The following PTPN18 variants were observed in gnomAD, a reference collection of about 807,000 sequenced individuals.
The protein encoded by PTPN18 is tyrosine-protein phosphatase non-receptor type 18.
In PTPN18, 65 loss-of-function variants were observed where a neutral mutation model predicts 65.4. The ratio of observed to expected loss-of-function variants is 0.99; its 90% CI spans 0.81 to 1.22. The LOEUF (loss-of-function observed/expected upper bound fraction) is 1.22. Ranked by LOEUF, PTPN18 falls within the 50% of genes most tolerant of loss-of-function variation. PTPN18 has a pLI of 0.00. For synonymous variants in PTPN18, 255 were observed against 267.8 expected (o/e 0.95, Z 0.47); for missense variants, 616 against 646.5 (o/e 0.95, Z 0.51).
intron 9 of PTPN18, 27 bp from the exon 10 acceptor site, chr2:130,370,678 C>T (rs747939538): frequency 6.2e-7 from 1 of 1,614,078 alleles, no homozygotes; most frequent in Admixed American, 1.7e-5. Flanking sequence ...ACGTGTCCTG[C>T]TCAAGTGCCT....
chr2:130,373,450 C>G lies in PTPN18; in HGVS notation c.*226C>G. 2.2e-6 allele frequency: 1 copy of G among 450,976 alleles called. No individual in the cohort carries two copies. The highest frequency in any genetic ancestry group is 3.4e-4 in the Middle Eastern group (1 of 2,932). 27.9% of individuals were successfully genotyped at this position (450,976 alleles called of 1,614,324 possible). A position where few individuals can be genotyped will look rare whatever the true frequency, so the allele number is the denominator to read the frequency against. On this transcript the variant is annotated 3_prime_UTR_variant, in exon 15 of 15. Coordinates refer to ENST00000175756, the MANE Select transcript of PTPN18 (RefSeq NM_014369.4). This position sits in a 1 kb window ranked among gnomAD's most constrained non-coding sequence, Gnocchi z 4.1. ...CTGGTGAGGCTGCACAGAGCAGATT[C>G]AAGAAAGAAGATCAGGAAGGGGCAT...
In PTPN18 at chr2:130,370,762, C is replaced by T; in HGVS notation, c.814C>T (p.Pro272Ser). 6.2e-7 allele frequency: 1 copy of T among 1,614,188 alleles called. No homozygotes were observed. The highest frequency in any genetic ancestry group is 2.2e-5 in the East Asian group (1 of 44,868). ...GGTCCTTAAGATGAGGAAGCAGCGG[C>T]CTGCGGCCGTGCAGACAGAGGTGAA... Reference protein sequence around the residue: ...DVVLKMRKQRPAAVQTEEQYR... With the variant: ...DVVLKMRKQRSAAVQTEEQYR... Residue 272 changes from proline (P) to serine (S), a missense_variant, in exon 10 of 15, where the codon CCT becomes TCT. Physicochemically the swap from Pro to Ser is moderately conservative, Grantham distance 74 (BLOSUM62 -1). Transcript: ENST00000175756.
At chr2:130,367,718 T>A (rs531237049) in intron 5 of PTPN18, among the ~76,000 whole-genome samples, 1 of 152,168 alleles carries the variant, frequency 6.6e-6, no homozygotes, top group Non-Finnish European at 1.5e-5. Context: ...AGTAATTTGA[T>A]CATGATCTGC....
chr2:130,369,791 C>T lies in PTPN18; in HGVS notation c.510C>T (p.Asp170=), dbSNP rs752954941. The T allele has an allele frequency of 1.2e-5, 20 of 1,605,038 alleles. No individual in the cohort carries two copies. The highest frequency in any genetic ancestry group is 1.6e-5 in the Non-Finnish European group (19 of 1,172,148). The change falls in exon 7 of 15, where the codon GAC becomes GAT. Residue 170 remains aspartate (D), a synonymous_variant. Transcript: ENST00000175756. Reference sequence around the variant, plus strand: ...TAAAGGAGAAGTGGCTGAATGAGGACATCATGCTCAGGACCCTCAAGGTCA... The same window carrying T: ...TAAAGGAGAAGTGGCTGAATGAGGATATCATGCTCAGGACCCTCAAGGTCA... ...TLIKEKWLNE[D]IMLRTLKVTF...
chr2:130,361,564 T>TTCTC (rs1290419109), intron 5 of PTPN18, among the ~76,000 whole-genome samples: 3 of 135,652 alleles, frequency 2.2e-5, no homozygotes, highest in African/African-American at 8.9e-5. Flanking sequence ...CTTTCTTTCT[T>TTCTC]TCCTTTCTTT....
intron 5 of PTPN18, 26 bp from the exon 6 acceptor site, chr2:130,369,107 T>C: frequency 6.3e-7 from 1 of 1,592,268 alleles, no homozygotes; most frequent in Non-Finnish European, 8.6e-7. Flanking sequence ...TCTCACTCCC[T>C]GCCTTTTCTC....
At chr2:130,356,239 C>T in intron 1 of PTPN18, 39 bp downstream of exon 1, 1 of 1,272,368 alleles carries the variant, frequency 7.9e-7, no homozygotes, top group Non-Finnish European at 1.0e-6. Flanking sequence ...CGCGCCCCGG[C>T]CCTGGCCCTG....
In PTPN18 at chr2:130,374,574, G is replaced by T. The variant is rs1680681099; in HGVS notation, c.*1350G>T. The stretch of plus-strand genomic sequence containing the variant: ...AAAGGAGGACACGTCTCTGTGCACT[G>T]GTGTGGACAAATCTCCAAGTCACTG... On this transcript the variant is annotated 3_prime_UTR_variant, in exon 15 of 15. Coordinates refer to ENST00000175756, the MANE Select transcript of PTPN18 (RefSeq NM_014369.4). 4.3e-6 allele frequency: 2 copies of T among 469,842 alleles called. No homozygotes were observed. The highest frequency in any genetic ancestry group is 2.0e-5 in the African/African-American group (1 of 50,050). The allele number at this position is 469,842 out of a possible 1,614,324, so 29.1% of individuals were successfully genotyped here.
At position 130,359,491 on chromosome 2, in the gene PTPN18, A is replaced by AGGTCAGC. The variant is rs1359502343; in HGVS notation, c.375_375+6dup. The AGGTCAGC allele has an allele frequency of 1.2e-6, 2 of 1,614,004 alleles. No homozygotes were observed. Among genetic ancestry groups the AGGTCAGC allele is most frequent in the African/African-American group, 2.7e-5 (2 of 74,912 alleles). On this transcript the variant is annotated frameshift_variant and splice_region_variant, in exon 4 of 15. Coordinates refer to ENST00000175756, the MANE Select transcript of PTPN18 (RefSeq NM_014369.4). LOFTEE classifies it high-confidence loss of function. Reference sequence around the variant, plus strand: ...AGACTGGTCTGGGAGTTTGGGGTCAAGGTCAGCACTTGGGGGTGCGGCACA... The same window carrying AGGTCAGC: ...AGACTGGTCTGGGAGTTTGGGGTCAAGGTCAGCGGTCAGCACTTGGGGGTGCGGCACA...
At chr2:130,356,391 C>T (rs931024077) in intron 1 of PTPN18, among the ~76,000 whole-genome samples, 191 bp downstream of exon 1, 1 of 152,166 alleles carries the variant, frequency 6.6e-6, no homozygotes, top group Non-Finnish European at 1.5e-5. Context: ...CACTCTCTGC[C>T]CCCCGGCCCC....
intron 5 of PTPN18, among the ~76,000 whole-genome samples, chr2:130,362,880 C>T (rs1338533304): frequency 6.6e-6 from 1 of 152,004 alleles, no homozygotes; most frequent in Non-Finnish European, 1.5e-5. Context: ...AGTGCAATGG[C>T]GCGATCTCAG....
chr2:130,369,354 C>A (rs534322892), intron 6 of PTPN18, among the ~76,000 whole-genome samples, 153 bp downstream of exon 6: 1 of 152,298 alleles, frequency 6.6e-6, no homozygotes, highest in East Asian at 1.9e-4. Context: ...ATAGGGATAG[C>A]CTTTGCATTT....
intron 1 of PTPN18, among the ~76,000 whole-genome samples, chr2:130,358,512 G>T (rs1002919515): frequency 6.6e-6 from 1 of 152,106 alleles, no homozygotes; most frequent in East Asian, 1.9e-4. Context: ...TGCCGAGAGG[G>T]TCTGAGTTCA....
chr2:130,359,446 A>C lies in PTPN18; in HGVS notation c.329A>C (p.His110Pro). 1 of 1,614,142 alleles carries C rather than the reference A, an allele frequency of 6.2e-7. No homozygotes were observed. The highest frequency in any genetic ancestry group is 1.1e-5 in the South Asian group (1 of 91,072). ...ATTGCCACGCAAGGACCCTTGCCTC[A>C]CACCCTGCTAGACTTCTGGAGACTG... ...AYIATQGPLP[H>P]TLLDFWRLVW... is the part of the protein sequence containing the mutation. The change falls in exon 4 of 15, where the codon CAC becomes CCC. Residue 110 changes from histidine to proline, a missense_variant. Physicochemically the swap from His to Pro is moderately conservative, Grantham distance 77 (BLOSUM62 -2). Transcript: ENST00000175756.
In PTPN18 at chr2:130,362,906, G is replaced by A. The variant is rs1025343063; in HGVS notation, c.414+3260G>A. Among the ~76,000 whole-genome samples the A allele has an allele frequency of 3.3e-5, 5 of 151,968 alleles. No individual in the cohort carries two copies. The South Asian group carries it at 1.0e-3, about 32-fold the overall frequency. The stretch of plus-strand genomic sequence containing the variant: ...GCGATCTCAGCTCGCTGCAACCTCC[G>A]CCTCCCGGGTCCACGCCATTCTCCT... On this transcript the variant is annotated intron_variant, in intron 5 of 14. Transcript: ENST00000175756.
chr2:130,361,508 CTTTCTCTT>C (rs1680191219), intron 5 of PTPN18, among the ~76,000 whole-genome samples: 1 of 138,162 alleles, frequency 7.2e-6, no homozygotes, highest in South Asian at 2.4e-4. Flanking sequence ...TCTTTCTTTT[CTTTCTCTT>C]TCTTTCTTTC....
chr2:130,369,178 A>T lies in PTPN18; in HGVS notation c.460A>T (p.Thr154Ser). 1.2e-6 allele frequency: 2 copies of T among 1,613,448 alleles called. No individual in the cohort carries two copies. Among genetic ancestry groups the T allele is most frequent in the Non-Finnish European group, 1.7e-6 (2 of 1,179,644 alleles). ...GGCCCAGGAGCAGGAGCCACTGCAG[A>T]CTGGGCTTTTCTGCATCACTCTGGT... Reference protein sequence around the residue: ...YWAQEQEPLQTGLFCITLIKE... With the variant: ...YWAQEQEPLQSGLFCITLIKE... Residue 154 changes from threonine (T) to serine (S), a missense_variant, in exon 6 of 15, where the codon ACT (threonine) becomes TCT (serine). Physicochemically the swap from Thr to Ser is moderately conservative, Grantham distance 58 (BLOSUM62 1). This residue lies in a region of PTPN18 where 223 missense variants were observed against 210.0 expected (regional missense o/e 1.06). Coordinates refer to ENST00000175756, the MANE Select transcript of PTPN18 (RefSeq NM_014369.4).
chr2:130,363,101 G>A (rs1465143042), intron 5 of PTPN18, among the ~76,000 whole-genome samples: 3 of 151,014 alleles, frequency 2.0e-5, no homozygotes, highest in East Asian at 2.0e-4. Flanking sequence ...TTACAGGCAT[G>A]AGCCACCGTG....
intron 9 of PTPN18, 29 bp downstream of exon 9, chr2:130,370,652 T>C (rs1680528608): frequency 6.2e-7 from 1 of 1,614,074 alleles, no homozygotes. Flanking sequence ...GTGTGTGCAG[T>C]GTGCTGCCCA....
Sources: allele counts gnomAD v4.1 joint callset (sites outside exome capture counted in the v4.1 genomes callset), GRCh38; gene constraint gnomAD v4.1.1; regional missense constraint gnomAD v4.1.1; non-coding constraint Gnocchi (gnomAD v3.1); transcripts MANE v1.5; gene names NCBI Gene and HGNC (gene_info 2026-07-23, HGNC 2026-07-21).